DOK5: variants seen among roughly 807,000 people sequenced by gnomAD.
DOK5 encodes the protein docking protein 5, also known as downstream of tyrosine kinase 5.
DOK5 carries 27 observed loss-of-function variants against 43.3 expected under a neutral mutation model. The ratio of observed to expected loss-of-function variants is 0.62; its 90% CI spans 0.46 to 0.86. The LOEUF (loss-of-function observed/expected upper bound fraction) is 0.86, where lower values mean the gene tolerates loss of function less well. Among genes scored for constraint, DOK5 ranks in the 40% least tolerant of loss-of-function variants. The pLI, the probability that DOK5 is intolerant of heterozygous loss-of-function variation, is 0.00. For synonymous variants in DOK5, 146 were observed against 140.1 expected, an observed-to-expected ratio of 1.04 and a Z score of -0.30; for missense variants, 373 against 392.9, an observed-to-expected ratio of 0.95 and a Z score of 0.43.
intron 2 of DOK5, among the ~76,000 whole-genome samples, chr20:54,571,567 G>T (rs1012521599): frequency 6.6e-6 from 1 of 152,000 alleles, no homozygotes; most frequent in African/African-American, 2.4e-5. Context: ...CCAACCAGAT[G>T]CCAGTACATC....
At chr20:54,559,895 A>G (rs1984843258) in intron 2 of DOK5, among the ~76,000 whole-genome samples, 1 of 152,266 alleles carries the variant, frequency 6.6e-6, no homozygotes, top group African/African-American at 2.4e-5. Context: ...AAAAGGGAAC[A>G]ACTCTCTAAC....
chr20:54,526,082 G>T (rs1035037480), intron 1 of DOK5, among the ~76,000 whole-genome samples: 11 of 151,204 alleles, frequency 7.3e-5, no homozygotes, highest in African/African-American at 2.4e-4. Context: ...TCCCATTAAG[G>T]TTCACCCTTC....
chr20:54,600,009 G>T (rs952654866), intron 5 of DOK5, among the ~76,000 whole-genome samples: 2 of 152,160 alleles, frequency 1.3e-5, no homozygotes, highest in Non-Finnish European at 2.9e-5. Flanking sequence ...CAAAGAAGGG[G>T]TGCAATTTTA....
At chr20:54,644,718 A>AAAAAAAAAAAAAAAAAAAAAAAAC (rs1555839806) in intron 7 of DOK5, among the ~76,000 whole-genome samples, 2 of 142,500 alleles carry the variant, frequency 1.4e-5, no homozygotes, top group African/African-American at 5.9e-5. Context: ...AAAAAAAAAA[A>AAAAAAAAAAAAAAAAAAAAAAAAC]AAAAAACAAA....
chr20:54,596,072 G>T (rs917883925), intron 5 of DOK5, among the ~76,000 whole-genome samples: 3 of 152,084 alleles, frequency 2.0e-5, no homozygotes, highest in African/African-American at 7.2e-5. Flanking sequence ...TTAAATGCAA[G>T]GTAAAATTAC....
At chr20:54,500,775 G>T (rs896514979) in intron 1 of DOK5, among the ~76,000 whole-genome samples, 1 of 151,904 alleles carries the variant, frequency 6.6e-6, no homozygotes, top group African/African-American at 2.4e-5. Context: ...TGGTCAGGCT[G>T]GTCTCGAACT....
intron 1 of DOK5, among the ~76,000 whole-genome samples, chr20:54,538,522 G>C (rs1273576417): frequency 6.6e-6 from 1 of 152,190 alleles, no homozygotes; most frequent in Non-Finnish European, 1.5e-5. Context: ...TGGGACATCA[G>C]GAGGAAAGAA....
At chr20:54,544,888 G>A (rs1332782743) in intron 1 of DOK5, among the ~76,000 whole-genome samples, 1 of 152,188 alleles carries the variant, frequency 6.6e-6, no homozygotes, top group Non-Finnish European at 1.5e-5. Context: ...TTATCTGCAG[G>A]AGTAATTGAA....
chr20:54,613,839 T>A (rs1343703362), intron 6 of DOK5, among the ~76,000 whole-genome samples: 1 of 151,854 alleles, frequency 6.6e-6, no homozygotes, highest in East Asian at 1.9e-4. Flanking sequence ...ACAAAAAATT[T>A]AAAAACTAGT....
At chr20:54,553,541 GATGACCAGTCGAGTATAAT>G (rs1249042949) in intron 1 of DOK5, among the ~76,000 whole-genome samples, 4 of 150,350 alleles carry the variant, frequency 2.7e-5, no homozygotes, top group Non-Finnish European at 4.4e-5. Context: ...GACCTTTAAA[GATGACCAGTCGAGTATAAT>G]AGTGCCACTC....
intron 6 of DOK5, among the ~76,000 whole-genome samples, chr20:54,638,336 T>C (rs1437700391): frequency 6.6e-6 from 1 of 152,004 alleles, no homozygotes; most frequent in Non-Finnish European, 1.5e-5. Flanking sequence ...TTTAACCACA[T>C]AAGTAATGGG....
chr20:54,611,492 T>C (rs1285061917), intron 6 of DOK5, among the ~76,000 whole-genome samples: 1 of 151,908 alleles, frequency 6.6e-6, no homozygotes, highest in Admixed American at 6.6e-5. Flanking sequence ...GCCCAGGAGG[T>C]GAAGGCTACA....
chr20:54,529,631 T>C (rs1983698094), intron 1 of DOK5, among the ~76,000 whole-genome samples: 2 of 152,242 alleles, frequency 1.3e-5, no homozygotes, highest in African/African-American at 4.8e-5. Context: ...TTAGCATATT[T>C]ACACTGTTGT....
intron 2 of DOK5, 120 bp downstream of exon 2, chr20:54,555,160 A>G: frequency 1.5e-6 from 1 of 659,466 alleles, no homozygotes; most frequent in Non-Finnish European, 2.7e-6. Flanking sequence ...TTCCAAGGAC[A>G]AAACACCCCT....
intron 6 of DOK5, among the ~76,000 whole-genome samples, chr20:54,638,805 G>A (rs1057236863): frequency 5.5e-5 from 8 of 146,020 alleles, no homozygotes; most frequent in African/African-American, 2.0e-4. Context: ...CCAGGCTGGA[G>A]CGCAGTGGCA....
At chr20:54,615,545 C>T (rs1340471326) in intron 6 of DOK5, among the ~76,000 whole-genome samples, 2 of 152,048 alleles carry the variant, frequency 1.3e-5, no homozygotes, top group Non-Finnish European at 2.9e-5. Flanking sequence ...TTTAAAATGC[C>T]ACGCAGCTGG....
At chr20:54,480,289 G>C (rs1369241335) in intron 1 of DOK5, among the ~76,000 whole-genome samples, 2 of 152,138 alleles carry the variant, frequency 1.3e-5, no homozygotes, top group Non-Finnish European at 2.9e-5. Context: ...ACAAGATACA[G>C]GTCATAAAGA....
At chr20:54,617,031 C>A (rs1031502506) in intron 6 of DOK5, among the ~76,000 whole-genome samples, 1 of 152,118 alleles carries the variant, frequency 6.6e-6, no homozygotes, top group Non-Finnish European at 1.5e-5. Context: ...ACCTCATGAT[C>A]CACCCGCCTT....
chr20:54,537,500 A>T (rs1568772441), intron 1 of DOK5, among the ~76,000 whole-genome samples: 2 of 152,220 alleles, frequency 1.3e-5, no homozygotes, highest in African/African-American at 4.8e-5. Flanking sequence ...CTCAAGAGAA[A>T]TGAGATAGAA....
Sources: allele counts gnomAD v4.1 joint callset (sites outside exome capture counted in the v4.1 genomes callset), GRCh38; gene constraint gnomAD v4.1.1; transcripts MANE v1.5; gene names NCBI Gene and HGNC (gene_info 2026-07-23, HGNC 2026-07-21).